The following THSD4 variants were observed in gnomAD, a reference collection of about 807,000 sequenced individuals.
THSD4 encodes thrombospondin type 1 domain containing 4, also known as thrombospondin type-1 domain-containing protein 4.
A neutral mutation model predicts 119.0 loss-of-function variants in THSD4; 69 were observed. The observed-to-expected ratio is 0.58, with a 90% CI of 0.48 to 0.71. THSD4 has a LOEUF of 0.71. THSD4 is among the 30% of genes least tolerant of loss of function. The probability of loss-of-function intolerance (pLI) is 0.00; values close to 1 mark genes in which losing one functional copy is unlikely to be tolerated. For missense variants in THSD4, 1,393 were observed against 1,391.1 expected (o/e 1.00, Z -0.02); for synonymous variants, 524 against 540.4 (o/e 0.97, Z 0.42).
intron 15 of THSD4, among the ~76,000 whole-genome samples, chr15:71,760,242 T>G (rs1164641391): frequency 6.6e-6 from 1 of 152,122 alleles, no homozygotes; most frequent in Non-Finnish European, 1.5e-5. Context: ...TCATTTGTGT[T>G]TTAGGGAAGA....
At chr15:71,461,772 A>G (rs990781949) in intron 7 of THSD4, among the ~76,000 whole-genome samples, 1 of 151,740 alleles carries the variant, frequency 6.6e-6, no homozygotes. Context: ...ACTATGATGA[A>G]GACATATGGG....
intron 11 of THSD4, among the ~76,000 whole-genome samples, chr15:71,742,239 T>C (rs1436097787): frequency 6.6e-6 from 1 of 152,218 alleles, no homozygotes. Context: ...TTTGTCTAAG[T>C]GCTTCCAGCA....
intron 7 of THSD4, among the ~76,000 whole-genome samples, chr15:71,475,006 C>A (rs948566787): frequency 6.6e-6 from 1 of 152,194 alleles, no homozygotes; most frequent in African/African-American, 2.4e-5. Flanking sequence ...CACCCCAGAC[C>A]GACTACTGAT....
intron 7 of THSD4, among the ~76,000 whole-genome samples, chr15:71,428,748 C>T (rs1252352712): frequency 6.6e-6 from 1 of 152,154 alleles, no homozygotes; most frequent in Non-Finnish European, 1.5e-5. Flanking sequence ...ATCAAAACTA[C>T]TCAGTTCCCC....
intron 6 of THSD4, among the ~76,000 whole-genome samples, chr15:71,387,064 T>A (rs957727258): frequency 6.6e-6 from 1 of 152,204 alleles, no homozygotes; most frequent in South Asian, 2.1e-4. Context: ...CTTTGCAGCC[T>A]ATGGGCATAG....
In THSD4 at chr15:71,532,283, A is replaced by AGTGT. The variant is rs1210856261; in HGVS notation, c.1152+120506_1152+120509dup. On this transcript the variant is annotated intron_variant, in intron 7 of 17. Coordinates refer to ENST00000261862, the MANE Select transcript of THSD4 (RefSeq NM_024817.3). Reference sequence around the variant, plus strand: ...AAGGGTGAGAGAGAGAGAGAGAGAGAGTGTGTGTGTGTGTGTGTGTGTGTG... The same window carrying AGTGT: ...AAGGGTGAGAGAGAGAGAGAGAGAGAGTGTGTGTGTGTGTGTGTGTGTGTGTGTG... 6.2e-3 allele frequency among the ~76,000 whole-genome samples: 625 copies of AGTGT among 101,596 alleles called. 9 individuals are homozygous for AGTGT. The highest frequency in any genetic ancestry group is 0.011 in the South Asian group (26 of 2,462). The allele number at this position is 101,596 out of a possible 152,430, so 66.7% of individuals were successfully genotyped here.
chr15:71,359,088 A>G (rs940879277), intron 6 of THSD4, among the ~76,000 whole-genome samples: 10 of 152,160 alleles, frequency 6.6e-5, no homozygotes, highest in Non-Finnish European at 1.2e-4. Flanking sequence ...TCCTCAGTCT[A>G]AAGAGTCAAC....
chr15:71,457,045 A>C (rs2047349624), intron 7 of THSD4, among the ~76,000 whole-genome samples: 1 of 152,118 alleles, frequency 6.6e-6, no homozygotes. Context: ...TCCATTAAAC[A>C]AGGATAAAGT....
chr15:71,605,775 G>A (rs1394499109), intron 7 of THSD4, among the ~76,000 whole-genome samples: 3 of 152,206 alleles, frequency 2.0e-5, no homozygotes, highest in Admixed American at 6.5e-5. Context: ...TCAGGTTGGA[G>A]ATGTAAATGT....
intron 1 of THSD4, among the ~76,000 whole-genome samples, chr15:71,101,904 G>C (rs1290084470): frequency 6.6e-6 from 1 of 151,986 alleles, no homozygotes; most frequent in Non-Finnish European, 1.5e-5. Context: ...CGTAGAGACG[G>C]GGTTTCACCA....
At chr15:71,638,688 G>T (rs1253326889) in intron 7 of THSD4, among the ~76,000 whole-genome samples, 1 of 152,150 alleles carries the variant, frequency 6.6e-6, no homozygotes, top group Non-Finnish European at 1.5e-5. Context: ...GTTTGTATCA[G>T]ATATTATAAA....
chr15:71,275,790 T>C (rs944219461), intron 6 of THSD4, among the ~76,000 whole-genome samples: 2 of 152,204 alleles, frequency 1.3e-5, no homozygotes, highest in Non-Finnish European at 2.9e-5. Context: ...CTGTTGGTTT[T>C]ATAAGGGGCT....
chr15:71,127,933 A>G (rs767223346), intron 1 of THSD4, among the ~76,000 whole-genome samples: 8 of 151,914 alleles, frequency 5.3e-5, no homozygotes, highest in Non-Finnish European at 1.0e-4. Flanking sequence ...CTATTTGTCT[A>G]TTTTTGCCTG....
chr15:71,317,863 T>G (rs1207846151), intron 6 of THSD4, among the ~76,000 whole-genome samples: 1 of 152,214 alleles, frequency 6.6e-6, no homozygotes, highest in Non-Finnish European at 1.5e-5. Flanking sequence ...CCTACCTTCA[T>G]AGAATTCTCA....
At chr15:71,683,883 G>A (rs1368892717) in intron 8 of THSD4, among the ~76,000 whole-genome samples, 1 of 152,162 alleles carries the variant, frequency 6.6e-6, no homozygotes, top group Non-Finnish European at 1.5e-5. Context: ...GTTGAGGCAT[G>A]AGAATCACTT....
At chr15:71,278,411 C>G (rs1369268062) in intron 6 of THSD4, among the ~76,000 whole-genome samples, 1 of 152,158 alleles carries the variant, frequency 6.6e-6, no homozygotes, top group African/African-American at 2.4e-5. Context: ...TCTTGAACTC[C>G]TAGGCTCAAG....
intron 2 of THSD4, among the ~76,000 whole-genome samples, chr15:71,153,904 C>T (rs949108190): frequency 1.3e-5 from 2 of 152,140 alleles, no homozygotes; most frequent in East Asian, 1.9e-4. Context: ...ATTGACAATA[C>T]TTGTCTCACC....
At chr15:71,285,098 A>G (rs1329375708) in intron 6 of THSD4, among the ~76,000 whole-genome samples, 1 of 152,196 alleles carries the variant, frequency 6.6e-6, no homozygotes, top group Non-Finnish European at 1.5e-5. Context: ...TCCGCTCTAC[A>G]TCTTCAGAGA....
At chr15:71,552,516 G>A (rs1021745560) in intron 7 of THSD4, among the ~76,000 whole-genome samples, 4 of 152,202 alleles carry the variant, frequency 2.6e-5, no homozygotes, top group African/African-American at 9.7e-5. Context: ...CCCTGGCTTT[G>A]CCTTTCTTTT....
Sources: gnomAD v4.1 joint callset for allele counts (sites outside exome capture counted in the v4.1 genomes callset) on GRCh38, gnomAD v4.1.1 for gene constraint, MANE v1.5 for transcripts, NCBI Gene and HGNC (gene_info 2026-07-23, HGNC 2026-07-21) for gene names.